Variants in BRINP3 observed in about 807,000 individuals in gnomAD.
BRINP3 encodes the protein BMP/retinoic acid-inducible neural-specific protein 3.
A neutral mutation model predicts 71.0 loss-of-function variants in BRINP3; 19 were observed. The ratio of observed to expected loss-of-function variants is 0.27; its 90% confidence interval spans 0.19 to 0.39. The LOEUF (loss-of-function observed/expected upper bound fraction) is 0.39. BRINP3 is among the 10% of genes least tolerant of loss of function. The pLI is 1.00. For synonymous variants in BRINP3, 380 were observed against 337.7 expected (o/e 1.13, Z -1.37); for missense variants, 959 against 940.8 (o/e 1.02, Z -0.25).
chr1:190,470,907 T>C (rs1456660907), intron 1 of BRINP3, among the ~76,000 whole-genome samples: 1 of 151,204 alleles, frequency 6.6e-6, no homozygotes, highest in Non-Finnish European at 1.5e-5. Context: ...AATTAATTAC[T>C]CTTGATTAGT....
At chr1:190,315,689 G>T (rs893948482) in intron 2 of BRINP3, among the ~76,000 whole-genome samples, 1 of 152,104 alleles carries the variant, frequency 6.6e-6, no homozygotes, top group Non-Finnish European at 1.5e-5. Context: ...AGAATTGATG[G>T]ACATAACTCT....
chr1:190,193,035 T>A (rs1004842744), intron 6 of BRINP3, among the ~76,000 whole-genome samples: 1 of 152,144 alleles, frequency 6.6e-6, no homozygotes, highest in Non-Finnish European at 1.5e-5. Flanking sequence ...GTACAGAAAG[T>A]AAAGATGAAT....
intron 6 of BRINP3, among the ~76,000 whole-genome samples, chr1:190,213,608 G>T (rs1227470505): frequency 1.3e-5 from 2 of 151,954 alleles, no homozygotes; most frequent in Non-Finnish European, 2.9e-5. Context: ...GATGGTACGT[G>T]GTTGGCTTTC....
At chr1:190,247,780 A>G (rs1659744088) in intron 4 of BRINP3, among the ~76,000 whole-genome samples, 1 of 151,930 alleles carries the variant, frequency 6.6e-6, no homozygotes, top group South Asian at 2.1e-4. Context: ...CCTGCTTAAC[A>G]TGATCTCCTC....
Position 190,226,242 on chromosome 1 carries a change from T to C in BRINP3, c.801A>G (p.Ser267=), listed in dbSNP as rs773858894. 10 of 1,612,372 alleles carry C rather than the reference T, an allele frequency of 6.2e-6. No homozygotes were observed. In the South Asian group the frequency reaches 7.7e-5, roughly 12 times the overall value. ...QAALSYIACN[S]EGEFICKEND... ...TTTCCTTGCAGATAAACTCTCCCTC[T>C]GAATTGCAAGCAATGTAGCTCAAAG... is the stretch of plus-strand genomic sequence containing the variant. The change falls in exon 6 of 8, where the codon TCA becomes TCG. Residue 267 remains serine, a synonymous_variant. Transcript: ENST00000367462.
At chr1:190,249,479 A>C (rs1269972019) in intron 4 of BRINP3, among the ~76,000 whole-genome samples, 2 of 151,926 alleles carry the variant, frequency 1.3e-5, no homozygotes, top group Non-Finnish European at 2.9e-5. Flanking sequence ...TAAAACAAAA[A>C]AATTAATAGA....
chr1:190,464,286 C>G (rs956801356), intron 1 of BRINP3, among the ~76,000 whole-genome samples: 1 of 151,508 alleles, frequency 6.6e-6, no homozygotes, highest in African/African-American at 2.4e-5. Flanking sequence ...AATAGAAATC[C>G]CTTTTGAATT....
chr1:190,188,924 C>T (rs1294120233), intron 6 of BRINP3, among the ~76,000 whole-genome samples: 1 of 151,922 alleles, frequency 6.6e-6, no homozygotes, highest in Non-Finnish European at 1.5e-5. Flanking sequence ...CAATGCCAGG[C>T]CAATTTTTGT....
intron 2 of BRINP3, among the ~76,000 whole-genome samples, chr1:190,350,691 G>A (rs1416586010): frequency 1.3e-5 from 2 of 151,996 alleles, no homozygotes; most frequent in African/African-American, 4.8e-5. Context: ...TAGAAAATAT[G>A]GCAGAATTTG....
At chr1:190,265,678 GCA>G (rs1571568953) in intron 3 of BRINP3, among the ~76,000 whole-genome samples, 1 of 151,316 alleles carries the variant, frequency 6.6e-6, no homozygotes, top group East Asian at 1.9e-4. Flanking sequence ...TCCCGCCACT[GCA>G]CTCCAGCCTG....
intron 2 of BRINP3, among the ~76,000 whole-genome samples, chr1:190,405,806 T>G (rs909408735): frequency 6.6e-6 from 1 of 152,342 alleles, no homozygotes; most frequent in South Asian, 2.1e-4. Flanking sequence ...ACGCCAGACA[T>G]GCTACAGCAA....
intron 7 of BRINP3, among the ~76,000 whole-genome samples, chr1:190,117,233 A>G (rs1010394355): frequency 6.6e-5 from 10 of 151,996 alleles, no homozygotes; most frequent in African/African-American, 2.4e-4. Flanking sequence ...AACTTTCTAT[A>G]AGAAGCTTGT....
chr1:190,418,086 G>T (rs2102443901), intron 2 of BRINP3, among the ~76,000 whole-genome samples: 1 of 152,260 alleles, frequency 6.6e-6, no homozygotes, highest in East Asian at 1.9e-4. Context: ...ATTCCTGAGA[G>T]ATTTCAGCAC....
chr1:190,285,496 G>A (rs1663350886), intron 2 of BRINP3, among the ~76,000 whole-genome samples: 3 of 152,110 alleles, frequency 2.0e-5, no homozygotes, highest in African/African-American at 4.8e-5. Flanking sequence ...GATTATGGGA[G>A]GCTGAGGTGG....
chr1:190,237,129 C>G (rs1658600910), intron 4 of BRINP3, among the ~76,000 whole-genome samples: 1 of 151,732 alleles, frequency 6.6e-6, no homozygotes, highest in African/African-American at 2.4e-5. Context: ...TATCTCTGTC[C>G]TTATATATTG....
At chr1:190,450,679 G>A (rs1675547492) in intron 2 of BRINP3, among the ~76,000 whole-genome samples, 1 of 151,904 alleles carries the variant, frequency 6.6e-6, no homozygotes, top group South Asian at 2.1e-4. Context: ...CCAATATTAT[G>A]AAGTTTTTTT....
intron 2 of BRINP3, among the ~76,000 whole-genome samples, chr1:190,343,722 C>T (rs1280608586): frequency 6.6e-6 from 1 of 151,220 alleles, no homozygotes; most frequent in East Asian, 2.0e-4. Flanking sequence ...TTCTACCAAT[C>T]AATAAACCGA....
At chr1:190,451,909 T>C (rs1441274082) in intron 2 of BRINP3, among the ~76,000 whole-genome samples, 1 of 152,160 alleles carries the variant, frequency 6.6e-6, no homozygotes, top group Non-Finnish European at 1.5e-5. Context: ...AGATTTGACC[T>C]AATTATATTA....
intron 5 of BRINP3, among the ~76,000 whole-genome samples, chr1:190,229,963 G>A (rs993978408): frequency 6.6e-6 from 1 of 151,590 alleles, no homozygotes; most frequent in African/African-American, 2.4e-5. Flanking sequence ...AGACAATATG[G>A]CAAGGAACTA....
Sources: allele counts gnomAD v4.1 joint callset (sites outside exome capture counted in the v4.1 genomes callset), GRCh38; gene constraint gnomAD v4.1.1; transcripts MANE v1.5; gene names NCBI Gene and HGNC (gene_info 2026-07-23, HGNC 2026-07-21).